Variants in TMEM117 observed in about 807,000 individuals in gnomAD.
TMEM117 encodes the protein transmembrane protein 117.
A neutral mutation model predicts 52.4 loss-of-function variants in TMEM117; 27 were observed. The ratio of observed to expected loss-of-function variants is 0.51; its 90% CI spans 0.38 to 0.71. The LOEUF (loss-of-function observed/expected upper bound fraction) is 0.71. Ranked by LOEUF, TMEM117 falls within the 30% of genes least tolerant of loss-of-function variation. The pLI, the probability that TMEM117 is intolerant of heterozygous loss-of-function variation, is 0.00. For missense variants in TMEM117, 556 were observed against 630.5 expected (o/e 0.88, Z 1.26); for synonymous variants, 215 against 206.3 (o/e 1.04, Z -0.36).
intron 6 of TMEM117, among the ~76,000 whole-genome samples, chr12:44,309,799 T>C (rs551642236): frequency 1.3e-5 from 2 of 150,808 alleles, no homozygotes; most frequent in South Asian, 4.2e-4. Flanking sequence ...AAAACAGATC[T>C]GTCTGACTTC....
chr12:43,984,943 A>T (rs543476075), intron 3 of TMEM117, among the ~76,000 whole-genome samples: 1 of 152,196 alleles, frequency 6.6e-6, no homozygotes, highest in Non-Finnish European at 1.5e-5. Flanking sequence ...AGCATTTCCA[A>T]TAGAAATTTG....
intron 2 of TMEM117, among the ~76,000 whole-genome samples, chr12:43,878,298 T>C (rs1007866945): frequency 2.0e-5 from 3 of 152,188 alleles, no homozygotes; most frequent in Non-Finnish European, 2.9e-5. Context: ...TATATTATTT[T>C]ACACAAGATA....
chr12:43,907,267 A>C (rs1944409193), intron 2 of TMEM117, among the ~76,000 whole-genome samples: 1 of 151,916 alleles, frequency 6.6e-6, no homozygotes, highest in East Asian at 1.9e-4. Flanking sequence ...GTACTCCAAC[A>C]GACCTGCAGC....
chr12:44,137,797 A>G (rs535459074), intron 3 of TMEM117, among the ~76,000 whole-genome samples: 1 of 152,282 alleles, frequency 6.6e-6, no homozygotes, highest in Admixed American at 6.5e-5. Flanking sequence ...GGTCCCTCCC[A>G]CAACACGTGG....
At chr12:44,233,307 T>G (rs994171406) in intron 5 of TMEM117, among the ~76,000 whole-genome samples, 3 of 151,470 alleles carry the variant, frequency 2.0e-5, no homozygotes, top group Non-Finnish European at 4.4e-5. Flanking sequence ...GGATGTTGAA[T>G]TTCATACAAT....
intron 3 of TMEM117, among the ~76,000 whole-genome samples, chr12:43,946,023 G>T (rs922100425): frequency 1.3e-5 from 2 of 152,226 alleles, no homozygotes; most frequent in African/African-American, 4.8e-5. Flanking sequence ...TCACGAATGT[G>T]ATTTTAGATA....
At chr12:44,117,804 A>T (rs1948170568) in intron 3 of TMEM117, among the ~76,000 whole-genome samples, 1 of 152,178 alleles carries the variant, frequency 6.6e-6, no homozygotes, top group South Asian at 2.1e-4. Context: ...GAATGATATT[A>T]TTTGACTCTC....
the TMEM117 span, among the ~76,000 whole-genome samples, chr12:43,808,368 C>T: frequency 1.3e-5 from 2 of 152,212 alleles, no homozygotes; most frequent in Admixed American, 6.5e-5. Context: ...CGTGAATGAC[C>T]CTGCTTGGCT....
chr12:44,122,880 A>G (rs1229354481), intron 3 of TMEM117, among the ~76,000 whole-genome samples: 1 of 152,186 alleles, frequency 6.6e-6, no homozygotes, highest in Non-Finnish European at 1.5e-5. Flanking sequence ...CATATGTGCA[A>G]TGTATCCTTA....
intron 6 of TMEM117, among the ~76,000 whole-genome samples, chr12:44,355,839 G>T (rs879822737): frequency 6.6e-6 from 1 of 152,074 alleles, no homozygotes; most frequent in African/African-American, 2.4e-5. Flanking sequence ...ACCTGACCCA[G>T]TGAAGAAGCA....
At chr12:43,844,560 G>C in intron 1 of TMEM117, 64 bp from the exon 2 acceptor site, 1 of 1,394,770 alleles carries the variant, frequency 7.2e-7, no homozygotes, top group South Asian at 1.4e-5. Context: ...AACCTGAACT[G>C]ATAAAAAGAA....
chr12:44,168,319 G>C (rs1226604540), intron 4 of TMEM117, among the ~76,000 whole-genome samples: 1 of 151,726 alleles, frequency 6.6e-6, no homozygotes, highest in Non-Finnish European at 1.5e-5. Flanking sequence ...ACCTACTGCT[G>C]TTTCCCTCCC....
rs1945737167 is a variant in TMEM117 at position 43,980,139 on chromosome 12, G to C, written c.410+35797G>C. On this transcript the variant is annotated intron_variant, in intron 3 of 7. Transcript: ENST00000266534. ...GTCTTTTTTCCAATTTATTGGAGGAGGGGGCTTAGGCAAAACCTGCATTTC... is the reference window on the plus strand; with the variant it reads ...GTCTTTTTTCCAATTTATTGGAGGACGGGGCTTAGGCAAAACCTGCATTTC... Among the ~76,000 whole-genome samples, 3 of 152,138 alleles carry C rather than the reference G, an allele frequency of 2.0e-5. No homozygotes were observed. The South Asian group carries it at 6.2e-4, about 31-fold the overall frequency.
intron 4 of TMEM117, among the ~76,000 whole-genome samples, chr12:44,156,770 A>G (rs1258845797): frequency 6.6e-6 from 1 of 152,076 alleles, no homozygotes; most frequent in Non-Finnish European, 1.5e-5. Flanking sequence ...TGAGGGTAAG[A>G]TGGATATGAA....
At chr12:44,085,935 A>G (rs1329664441) in intron 3 of TMEM117, among the ~76,000 whole-genome samples, 1 of 152,128 alleles carries the variant, frequency 6.6e-6, no homozygotes, top group Admixed American at 6.5e-5. Context: ...CAGAAAAAAG[A>G]GAAGAGGATG....
chr12:43,981,014 T>C (rs1430088586), intron 3 of TMEM117, among the ~76,000 whole-genome samples: 2 of 152,132 alleles, frequency 1.3e-5, no homozygotes, highest in Non-Finnish European at 2.9e-5. Flanking sequence ...CATTCCCTTA[T>C]TATCTGCCCT....
intron 5 of TMEM117, among the ~76,000 whole-genome samples, chr12:44,259,307 G>T (rs1028432720): frequency 6.6e-6 from 1 of 152,116 alleles, no homozygotes; most frequent in African/African-American, 2.4e-5. Context: ...CTATGATGTG[G>T]TTATTATAAC....
chr12:44,006,194 C>T lies in TMEM117; in HGVS notation c.410+61852C>T, dbSNP rs568946834. 2.3e-4 allele frequency among the ~76,000 whole-genome samples: 35 copies of T among 152,296 alleles called. No homozygotes were observed. In the East Asian group the frequency reaches 5.4e-3, roughly 24 times the overall value. Reference sequence around the variant, plus strand: ...AACATTCACCACTTATCTGTGCTTTCTGCAAAGAAACAGATACCGGGGTGA... The same window carrying T: ...AACATTCACCACTTATCTGTGCTTTTTGCAAAGAAACAGATACCGGGGTGA... On this transcript the variant is annotated intron_variant, in intron 3 of 7. Coordinates refer to ENST00000266534, the MANE Select transcript of TMEM117 (RefSeq NM_032256.3).
At chr12:43,885,686 A>G (rs2137462805) in intron 2 of TMEM117, among the ~76,000 whole-genome samples, 1 of 152,260 alleles carries the variant, frequency 6.6e-6, no homozygotes, top group South Asian at 2.1e-4. Flanking sequence ...GTAAATAAAA[A>G]AGCTTTAACC....
Sources: gnomAD v4.1 joint callset for allele counts (sites outside exome capture counted in the v4.1 genomes callset) on GRCh38, gnomAD v4.1.1 for gene constraint, MANE v1.5 for transcripts, NCBI Gene and HGNC (gene_info 2026-07-23, HGNC 2026-07-21) for gene names.